The following SULF2 variants were observed in gnomAD, a reference collection of about 807,000 sequenced individuals.
The protein encoded by SULF2 is extracellular sulfatase Sulf-2.
A neutral mutation model predicts 107.7 loss-of-function variants in SULF2; 52 were observed. The ratio of observed to expected loss-of-function variants is 0.48; its 90% CI spans 0.39 to 0.61. The LOEUF (loss-of-function observed/expected upper bound fraction) is 0.61, where lower values mean the gene tolerates loss of function less well. Among genes scored for constraint, SULF2 ranks in the 20% least tolerant of loss-of-function variants. The probability of loss-of-function intolerance (pLI) is 0.00; values close to 1 mark genes in which losing one functional copy is unlikely to be tolerated. For missense variants in SULF2, 993 were observed against 1,177.3 expected, an observed-to-expected ratio of 0.84 and a Z score of 2.29; for synonymous variants, 460 against 464.3, an observed-to-expected ratio of 0.99 and a Z score of 0.12.
At chr20:47,720,408 A>G (rs2089254064) in intron 3 of SULF2, among the ~76,000 whole-genome samples, 1 of 151,978 alleles carries the variant, frequency 6.6e-6, no homozygotes, top group African/African-American at 2.4e-5. Context: ...GGTGCACACC[A>G]CCACGCCCGG....
intron 1 of SULF2, among the ~76,000 whole-genome samples, chr20:47,764,285 G>T (rs1008278538): frequency 5.9e-5 from 9 of 152,216 alleles, no homozygotes; most frequent in African/African-American, 2.2e-4. Flanking sequence ...GAAGGTACAG[G>T]TTTTTGTCAT....
intron 3 of SULF2, among the ~76,000 whole-genome samples, chr20:47,732,882 G>A (rs946939488): frequency 2.6e-5 from 4 of 151,954 alleles, no homozygotes; most frequent in African/African-American, 9.7e-5. Flanking sequence ...AAAACCTGAG[G>A]ATGCAATTGA....
At chr20:47,776,000 G>A (rs892726381) in intron 1 of SULF2, among the ~76,000 whole-genome samples, 7 of 152,140 alleles carry the variant, frequency 4.6e-5, no homozygotes, top group African/African-American at 1.7e-4. Flanking sequence ...TAATGTAAAC[G>A]GGTGAAGTGG....
Position 47,702,537 on chromosome 20 carries a change from G to C in SULF2, c.549C>G (p.His183Gln). Residue 183 changes from histidine (H) to glutamine (Q), a missense_variant, in exon 4 of 21, where the codon CAC becomes CAG. Transcript: ENST00000688720. The stretch of plus-strand genomic sequence containing the variant: ...AGCTTACCTTGGAGTAGTCGGAGCC[G>C]TGCTTCTCTTTCACCCCGTTCCGAC... ...TLCRNGVKEKHGSDYSKDYLT... is the reference protein window; with the variant it reads ...TLCRNGVKEKQGSDYSKDYLT... 2.5e-6 allele frequency: 4 copies of C among 1,612,526 alleles called. No homozygotes were observed. The highest frequency in any genetic ancestry group is 3.4e-6 in the Non-Finnish European group (4 of 1,179,958).
At chr20:47,702,177 C>G (rs368188144) in intron 4 of SULF2, among the ~76,000 whole-genome samples, 1 of 152,166 alleles carries the variant, frequency 6.6e-6, no homozygotes, top group Non-Finnish European at 1.5e-5. Flanking sequence ...CCCATTTCAG[C>G]CTCTCTAGTA....
At chr20:47,690,858 G>A (rs1402003993) in intron 4 of SULF2, among the ~76,000 whole-genome samples, 1 of 123,862 alleles carries the variant, frequency 8.1e-6, no homozygotes, top group African/African-American at 3.3e-5. Context: ...GACAAAGCAA[G>A]ACTCTGACTC....
In SULF2 at chr20:47,657,547, T is replaced by C. The variant is rs2086935063; in HGVS notation, c.*815A>G. On this transcript the variant is annotated 3_prime_UTR_variant, in exon 21 of 21. Transcript: ENST00000688720. Reference sequence around the variant, plus strand: ...TACAGTTTCATCAAAACTTGGGACATACATCAACTTCATTTCTTTTCAGTA... The same window carrying C: ...TACAGTTTCATCAAAACTTGGGACACACATCAACTTCATTTCTTTTCAGTA... 6.6e-6 allele frequency: 1 copy of C among 152,076 alleles called. No homozygotes were observed. Among genetic ancestry groups the C allele is most frequent in the Non-Finnish European group, 1.5e-5 (1 of 68,022 alleles). The allele number at this position is 152,076 out of a possible 1,614,324, so 9.4% of individuals were successfully genotyped here. A position where few individuals can be genotyped will look rare whatever the true frequency, so the allele number is the denominator to read the frequency against.
At chr20:47,770,666 G>A (rs1027225300) in intron 1 of SULF2, among the ~76,000 whole-genome samples, 2 of 152,220 alleles carry the variant, frequency 1.3e-5, no homozygotes, top group South Asian at 2.1e-4. Context: ...ATGGCAGGAA[G>A]GGCTGGTCTC....
Position 47,751,392 on chromosome 20 carries a change from A to G in SULF2, c.175+5797T>C, listed in dbSNP as rs145403773. Among the ~76,000 whole-genome samples, 129 of 152,362 alleles carry G rather than the reference A, an allele frequency of 8.5e-4. 1 individual carries two copies. The highest frequency in any genetic ancestry group is 3.1e-3 in the African/African-American group (127 of 41,590). Reference sequence around the variant, plus strand: ...ATGTGCACCTGACTCCATCTGGCCAACCACTGTGTTCCATTCCCCTGAATC... The same window carrying G: ...ATGTGCACCTGACTCCATCTGGCCAGCCACTGTGTTCCATTCCCCTGAATC... On this transcript the variant is annotated intron_variant, in intron 2 of 20. Coordinates refer to ENST00000688720, the MANE Select transcript of SULF2 (RefSeq NM_001387048.1).
At chr20:47,717,676 G>A (rs1470877479) in intron 3 of SULF2, among the ~76,000 whole-genome samples, 2 of 152,150 alleles carry the variant, frequency 1.3e-5, no homozygotes, top group African/African-American at 2.4e-5. Context: ...GAATTCATCC[G>A]GCCGTGGGCT....
At chr20:47,659,820 T>TG (rs1215835085) in intron 18 of SULF2, 90 bp from the exon 19 acceptor site, 1 of 998,488 alleles carries the variant, frequency 1.0e-6, no homozygotes, top group African/African-American at 1.6e-5. Context: ...TATGCTTTTT[T>TG]GTCACAATCC....
At chr20:47,699,429 A>G (rs1358806500) in intron 4 of SULF2, among the ~76,000 whole-genome samples, 1 of 151,760 alleles carries the variant, frequency 6.6e-6, no homozygotes, top group Non-Finnish European at 1.5e-5. Flanking sequence ...TGAGCACTAC[A>G]TAGTAGGTGC....
At chr20:47,742,715 A>G (rs1179502974) in intron 2 of SULF2, among the ~76,000 whole-genome samples, 1 of 152,162 alleles carries the variant, frequency 6.6e-6, no homozygotes, top group African/African-American at 2.4e-5. Context: ...TAGAGAATTA[A>G]GGTGTGAGTT....
chr20:47,662,317 T>C (rs2087103878), intron 17 of SULF2, among the ~76,000 whole-genome samples: 1 of 152,190 alleles, frequency 6.6e-6, no homozygotes, highest in Admixed American at 6.5e-5. Flanking sequence ...TTGTGTAGTC[T>C]GGGAGCTACC....
chr20:47,739,447 C>G (rs2089825976), intron 2 of SULF2, among the ~76,000 whole-genome samples: 1 of 152,194 alleles, frequency 6.6e-6, no homozygotes, highest in African/African-American at 2.4e-5. Context: ...CCTCCCACCT[C>G]CTGGCCCCTG....
chr20:47,746,988 AAAAAAAATAT>A (rs1434776953), intron 2 of SULF2, among the ~76,000 whole-genome samples: 6 of 59,734 alleles, frequency 1.0e-4, no homozygotes, highest in African/African-American at 3.8e-4. Flanking sequence ...TAAATAAAAA[AAAAAAAATAT>A]ATATATATAT....
chr20:47,670,923 G>A (rs1011864935), intron 11 of SULF2, among the ~76,000 whole-genome samples: 4 of 152,016 alleles, frequency 2.6e-5, no homozygotes, highest in Non-Finnish European at 5.9e-5. Flanking sequence ...ATTAGGCTTT[G>A]GCTGTCCTTA....
At chr20:47,760,202 T>C (rs872112) in intron 1 of SULF2, among the ~76,000 whole-genome samples, 10,023 of 152,172 alleles carry the variant, frequency 0.066, 484 homozygotes, top group Admixed American at 0.14. Context: ...GAAGGGTCAC[T>C]CCTGCTCCAT....
At position 47,665,200 on chromosome 20, in the gene SULF2, T is replaced by C. The variant is rs1213281371; in HGVS notation, c.1996A>G (p.Ser666Gly). 3 of 1,610,790 alleles carry C rather than the reference T, an allele frequency of 1.9e-6. No homozygotes were observed. In the Admixed American group the frequency reaches 5.0e-5, roughly 27 times the overall value. Reference sequence around the variant, plus strand: ...GAGGTCCCTTTGCTACTGCCTCACCTGATTTTGTGACAGTCACATTCTTCT... The same window carrying C: ...GAGGTCCCTTTGCTACTGCCTCACCCGATTTTGTGACAGTCACATTCTTCT... ...RPEECDCHKISYHTQHKGRLK... is the reference protein window; with the variant it reads ...RPEECDCHKIGYHTQHKGRLK... Residue 666 changes from serine (S) to glycine (G), a missense_variant and splice_region_variant, in exon 14 of 21, where the codon AGC becomes GGC. By Grantham distance (56) the Ser-to-Gly change is moderately conservative (BLOSUM62 0). Around this residue, in one of 3 missense-constraint regions of SULF2, gnomAD observed 497 missense variants for 544.1 expected, o/e 0.91. Coordinates refer to ENST00000688720, the MANE Select transcript of SULF2 (RefSeq NM_001387048.1).
Sources: gnomAD v4.1 joint callset for allele counts (sites outside exome capture counted in the v4.1 genomes callset) on GRCh38, gnomAD v4.1.1 for gene constraint, gnomAD v4.1.1 regional missense constraint, MANE v1.5 for transcripts, NCBI Gene and HGNC (gene_info 2026-07-23, HGNC 2026-07-21) for gene names.